BTG4: variants seen among roughly 807,000 people sequenced by gnomAD.
BTG4 encodes the protein BTG anti-proliferation factor 4.
A neutral mutation model predicts 19.3 loss-of-function variants in BTG4; 10 were observed. The ratio of observed to expected loss-of-function variants is 0.52; its 90% CI spans 0.32 to 0.88. The LOEUF is 0.88. Among genes scored for constraint, BTG4 ranks in the 40% least tolerant of loss-of-function variants. The pLI, the probability that BTG4 is intolerant of heterozygous loss-of-function variation, is 0.04. For synonymous variants in BTG4, 91 were observed against 95.7 expected (o/e 0.95, Z 0.29); for missense variants, 238 against 281.9 (o/e 0.84, Z 1.11).
the BTG4 span, chr11:111,455,261 C>T: frequency 1.7e-5 from 6 of 352,170 alleles, no homozygotes; most frequent in Admixed American, 7.1e-5. Context: ...TCCCCTTTGC[C>T]GCTGCTGCCA....
the BTG4 span, among the ~76,000 whole-genome samples, chr11:111,393,257 T>C: frequency 6.6e-6 from 1 of 152,196 alleles, no homozygotes; most frequent in African/African-American, 2.4e-5. Flanking sequence ...GATGAGTCAC[T>C]TTATCTAATC....
At chr11:111,434,145 C>A in the BTG4 span, among the ~76,000 whole-genome samples, 1 of 152,146 alleles carries the variant, frequency 6.6e-6, no homozygotes, top group African/African-American at 2.4e-5. Context: ...GACTTGGAAC[C>A]AACCCAAATG....
At chr11:111,458,126 C>G in the BTG4 span, 42,569 of 152,692 alleles carry the variant, frequency 0.28, 6,294 homozygotes, top group African/African-American at 0.38. Context: ...CATGAGACAG[C>G]CACTGGCCTT....
At chr11:111,512,906 GA>G (rs1327167116), upstream of BTG4, 3 of 434,296 alleles carry the variant, frequency 6.9e-6, no homozygotes, top group African/African-American at 6.4e-5. Flanking sequence ...CGGCGCTGCG[GA>G]CCGTCCGGGA....
chr11:111,500,235 A>T (rs1456666867), intron 1 of BTG4, among the ~76,000 whole-genome samples: 20 of 152,202 alleles, frequency 1.3e-4, no homozygotes, highest in Admixed American at 1.3e-3. Flanking sequence ...AGGCCTGGCA[A>T]TCAGTAGTTA....
the BTG4 span, among the ~76,000 whole-genome samples, chr11:111,412,905 G>A: frequency 6.6e-6 from 1 of 152,206 alleles, no homozygotes; most frequent in Non-Finnish European, 1.5e-5. Flanking sequence ...AAGCCCAGGG[G>A]AGAAGGAAAA....
chr11:111,443,979 CAT>C, the BTG4 span, among the ~76,000 whole-genome samples: 3 of 152,194 alleles, frequency 2.0e-5, no homozygotes, highest in East Asian at 5.8e-4. Context: ...TTAAAACGGA[CAT>C]GTGCCTAAAC....
intron 1 of BTG4, among the ~76,000 whole-genome samples, chr11:111,506,759 TAGA>T (rs1866480463): frequency 6.6e-6 from 1 of 152,122 alleles, no homozygotes; most frequent in Admixed American, 6.6e-5. Context: ...AAAATACAAT[TAGA>T]ATATAGAATA....
At chr11:111,437,684 A>G in the BTG4 span, among the ~76,000 whole-genome samples, 7 of 151,900 alleles carry the variant, frequency 4.6e-5, no homozygotes, top group South Asian at 1.5e-3. Context: ...CTGTATCCCC[A>G]TTGCATCCCC....
chr11:111,413,550 G>A, the BTG4 span, among the ~76,000 whole-genome samples: 1 of 152,240 alleles, frequency 6.6e-6, no homozygotes, highest in Admixed American at 6.5e-5. Context: ...TCATTTTACA[G>A]ATGAGGAAAT....
chr11:111,392,359 A>C, the BTG4 span, among the ~76,000 whole-genome samples: 1 of 151,426 alleles, frequency 6.6e-6, no homozygotes, highest in African/African-American at 2.4e-5. Flanking sequence ...TTGCATTCTT[A>C]GTAGAGATGG....
intron 1 of BTG4, among the ~76,000 whole-genome samples, chr11:111,508,069 A>AT (rs1292406679): frequency 6.6e-6 from 1 of 152,128 alleles, no homozygotes; most frequent in Non-Finnish European, 1.5e-5. Flanking sequence ...CTCTGACTAG[A>AT]TTTTCCCCCT....
chr11:111,460,845 G>A, the BTG4 span, among the ~76,000 whole-genome samples: 1 of 152,128 alleles, frequency 6.6e-6, no homozygotes, highest in African/African-American at 2.4e-5. Flanking sequence ...CAATGAAGAA[G>A]CAAAAGCTTT....
the BTG4 span, among the ~76,000 whole-genome samples, chr11:111,460,522 A>C: frequency 5.9e-4 from 90 of 152,060 alleles, no homozygotes; most frequent in African/African-American, 2.0e-3. Context: ...ATGGGTCCCA[A>C]ACAGTGGGTG....
In BTG4 at chr11:111,495,318, G is replaced by GA. The variant is rs768629922; in HGVS notation, c.511-5dup. 211 of 1,582,528 alleles carry GA rather than the reference G, an allele frequency of 1.3e-4. No individual in the cohort carries two copies. Among genetic ancestry groups the GA allele is most frequent in the Admixed American group, 4.1e-4 (22 of 54,318 alleles). ...AGGGCTGTTTCAAGTTTTCAACCTG[G>GA]AAAAAAAAAGTATAAAGATCTCTAA... On this transcript the variant is annotated splice_polypyrimidine_tract_variant and splice_region_variant and intron_variant, in intron 4 of 4. Transcript: ENST00000692032.
the BTG4 span, among the ~76,000 whole-genome samples, chr11:111,411,705 A>C: frequency 6.6e-6 from 1 of 152,210 alleles, no homozygotes; most frequent in African/African-American, 2.4e-5. Flanking sequence ...CTGCTGGCCC[A>C]TGGATCACAC....
intron 5 of BTG4, chr11:111,467,765 C>T: frequency 1.4e-6 from 1 of 696,604 alleles, no homozygotes. Flanking sequence ...TTATTCCCTC[C>T]TGGAAATAAG....
the BTG4 span, among the ~76,000 whole-genome samples, chr11:111,446,479 A>T: frequency 1.5e-4 from 23 of 152,166 alleles, no homozygotes; most frequent in Admixed American, 1.5e-3. Context: ...ACCCCAGATC[A>T]CCCATACTGT....
Position 111,498,152 on chromosome 11 carries a change from G to GGGAAACGAAGACATGATGAC in BTG4, c.174-37_174-18dup. ...CTGATGCACCTTTTTAAAAAGCGAA[G>GGGAAACGAAGACATGATGAC]GGAAACGAAGACATGATGACAGACA... On this transcript the variant is annotated splice_polypyrimidine_tract_variant and intron_variant, in intron 2 of 4. Transcript: ENST00000692032. 6.2e-7 allele frequency: 1 copy of GGGAAACGAAGACATGATGAC among 1,612,916 alleles called. No individual in the cohort carries two copies. Among genetic ancestry groups the GGGAAACGAAGACATGATGAC allele is most frequent in the African/African-American group, 1.3e-5 (1 of 75,020 alleles).
Sources: gnomAD v4.1 joint callset for allele counts (sites outside exome capture counted in the v4.1 genomes callset) on GRCh38, gnomAD v4.1.1 for gene constraint, MANE v1.5 for transcripts, NCBI Gene and HGNC (gene_info 2026-07-23, HGNC 2026-07-21) for gene names.